The following RASAL2 variants were observed in gnomAD, a reference collection of about 807,000 sequenced individuals.
The protein encoded by RASAL2 is RAS protein activator like 2.
A neutral mutation model predicts 128.9 loss-of-function variants in RASAL2; 58 were observed. That is an observed-to-expected ratio of 0.45 (90% CI 0.36 to 0.56). The LOEUF is 0.56. RASAL2 is among the 20% of genes least tolerant of loss of function. RASAL2 has a pLI of 0.00. For missense variants in RASAL2, 1,360 were observed against 1,601.6 expected (o/e 0.85, Z 2.57); for synonymous variants, 561 against 580.8 (o/e 0.97, Z 0.49).
chr1:178,307,759 T>C lies in RASAL2; in HGVS notation c.457+7641T>C, dbSNP rs563669603. Among the ~76,000 whole-genome samples the C allele has an allele frequency of 3.0e-4, 45 of 152,362 alleles. 1 individual carries two copies. The highest frequency in any genetic ancestry group is 1.1e-3 in the African/African-American group (45 of 41,598). On this transcript the variant is annotated intron_variant, in intron 3 of 17. Coordinates refer to ENST00000367649, the MANE Select transcript of RASAL2 (RefSeq NM_170692.4). ...TGGCTGGTGGATAGCACAAGGTGAA[T>C]TTGGAGCTGTCTCCAATCTTTTTGT...
At chr1:178,128,156 A>G (rs1002573456) in intron 1 of RASAL2, among the ~76,000 whole-genome samples, 1 of 152,086 alleles carries the variant, frequency 6.6e-6, no homozygotes, top group Non-Finnish European at 1.5e-5. Context: ...AGTATTTATG[A>G]TCTCTTTGGT....
chr1:178,197,846 C>T (rs540125258), intron 1 of RASAL2, among the ~76,000 whole-genome samples: 4 of 152,188 alleles, frequency 2.6e-5, no homozygotes, highest in African/African-American at 9.6e-5. Context: ...CTATCCTTCC[C>T]CCATTCCCCC....
intron 4 of RASAL2, among the ~76,000 whole-genome samples, chr1:178,393,056 A>G (rs568419506): frequency 6.0e-4 from 91 of 152,314 alleles, no homozygotes; most frequent in Non-Finnish European, 1.1e-3. Context: ...GTTTTCAGCA[A>G]TATTTAAATG....
At chr1:178,314,162 A>G (rs915079269) in intron 3 of RASAL2, among the ~76,000 whole-genome samples, 22 of 152,240 alleles carry the variant, frequency 1.4e-4, no homozygotes, top group Admixed American at 1.1e-3. Context: ...TTAATTCCAC[A>G]TAGGTCTCTT....
chr1:178,127,459 TAGTA>T (rs1318940209), intron 1 of RASAL2, among the ~76,000 whole-genome samples: 1 of 152,176 alleles, frequency 6.6e-6, no homozygotes, highest in Non-Finnish European at 1.5e-5. Flanking sequence ...CCATTTTTCA[TAGTA>T]AGTAATCATA....
intron 3 of RASAL2, among the ~76,000 whole-genome samples, chr1:178,384,515 A>G (rs898008836): frequency 1.3e-5 from 2 of 152,114 alleles, no homozygotes; most frequent in Non-Finnish European, 2.9e-5. Flanking sequence ...AACATGAGCT[A>G]AAATTCGCTG....
intron 3 of RASAL2, among the ~76,000 whole-genome samples, chr1:178,303,913 A>G (rs1178902328): frequency 1.3e-5 from 2 of 152,106 alleles, no homozygotes; most frequent in South Asian, 2.1e-4. Context: ...GGTGTTAGTT[A>G]TTAGGATGGT....
intron 2 of RASAL2, among the ~76,000 whole-genome samples, chr1:178,296,403 A>G (rs1242960909): frequency 6.6e-6 from 1 of 152,148 alleles, no homozygotes. Flanking sequence ...TCTGTCACCC[A>G]GGCTGGAGTA....
intron 3 of RASAL2, among the ~76,000 whole-genome samples, chr1:178,312,024 G>A (rs1668279278): frequency 6.6e-6 from 1 of 151,870 alleles, no homozygotes; most frequent in South Asian, 2.1e-4. Flanking sequence ...CAATATAAGG[G>A]TTGGAAAATG....
chr1:178,464,839 T>C (rs1192009160), intron 15 of RASAL2, among the ~76,000 whole-genome samples: 1 of 143,486 alleles, frequency 7.0e-6, no homozygotes, highest in African/African-American at 2.6e-5. Context: ...TTGTTTTTTT[T>C]TTTTTTTTTT....
At chr1:178,151,405 A>AAAAAT (rs572183975) in intron 1 of RASAL2, among the ~76,000 whole-genome samples, 31 of 152,314 alleles carry the variant, frequency 2.0e-4, no homozygotes, top group African/African-American at 4.1e-4. Flanking sequence ...ACTCTGTCTC[A>AAAAAT]AAAATAAAAT....
chr1:178,441,573 T>C lies in RASAL2; in HGVS notation c.853T>C (p.Cys285Arg). 1 of 1,612,588 alleles carries C rather than the reference T, an allele frequency of 6.2e-7. No homozygotes were observed. The highest frequency in any genetic ancestry group is 1.3e-5 in the African/African-American group (1 of 74,966). Reference protein sequence around the residue: ...FEVTYLSGSKCFSCNSASERD... With the variant: ...FEVTYLSGSKRFSCNSASERD... ...GGTTACCTACTTAAGTGGAAGTAAATGCTTCAGCTGTAATTCTGCTTCTGA... is the reference window on the plus strand; with the variant it reads ...GGTTACCTACTTAAGTGGAAGTAAACGCTTCAGCTGTAATTCTGCTTCTGA... The change falls in exon 7 of 18, where the codon TGC becomes CGC. Residue 285 changes from cysteine to arginine, a missense_variant. Physicochemically the swap from Cys to Arg is radical, Grantham distance 180. Transcript: ENST00000367649.
chr1:178,157,386 A>G (rs1661119588), intron 1 of RASAL2, among the ~76,000 whole-genome samples: 1 of 152,104 alleles, frequency 6.6e-6, no homozygotes, highest in Non-Finnish European at 1.5e-5. Context: ...GTGTCCATCT[A>G]CTCAGACTTT....
intron 9 of RASAL2, among the ~76,000 whole-genome samples, chr1:178,449,147 G>T (rs915856601): frequency 6.6e-6 from 1 of 152,106 alleles, no homozygotes; most frequent in Non-Finnish European, 1.5e-5. Flanking sequence ...TTTAAAAGTT[G>T]CCAGTAATAG....
At chr1:178,292,200 T>C (rs1348105640) in intron 2 of RASAL2, among the ~76,000 whole-genome samples, 1 of 152,218 alleles carries the variant, frequency 6.6e-6, no homozygotes, top group Non-Finnish European at 1.5e-5. Context: ...TGGGGGTGTT[T>C]ATTGCTGTGT....
At chr1:178,137,907 G>A (rs866151592) in intron 1 of RASAL2, among the ~76,000 whole-genome samples, 5 of 151,994 alleles carry the variant, frequency 3.3e-5, no homozygotes, top group East Asian at 1.9e-4. Flanking sequence ...GTTTTTAGTC[G>A]CCATTTCTGC....
intron 4 of RASAL2, among the ~76,000 whole-genome samples, chr1:178,405,641 G>A (rs1673953917): frequency 1.3e-5 from 2 of 152,204 alleles, no homozygotes; most frequent in Non-Finnish European, 2.9e-5. Context: ...TTCTCCCCTA[G>A]AGCCTTCAGA....
intron 2 of RASAL2, among the ~76,000 whole-genome samples, chr1:178,289,825 CT>C (rs1667196402): frequency 6.6e-6 from 1 of 152,192 alleles, no homozygotes; most frequent in Non-Finnish European, 1.5e-5. Context: ...GACATACTGT[CT>C]TCATCGTTAT....
At chr1:178,194,001 A>T (rs1662576553) in intron 1 of RASAL2, among the ~76,000 whole-genome samples, 1 of 152,184 alleles carries the variant, frequency 6.6e-6, no homozygotes, top group Admixed American at 6.5e-5. Context: ...CCAATCGTTA[A>T]ACACTTGGAT....
Sources: allele counts gnomAD v4.1 joint callset (sites outside exome capture counted in the v4.1 genomes callset), GRCh38; gene constraint gnomAD v4.1.1; transcripts MANE v1.5; gene names NCBI Gene and HGNC (gene_info 2026-07-23, HGNC 2026-07-21).